The following MPHOSPH10 variants were observed in gnomAD, a reference collection of about 807,000 sequenced individuals.
The protein encoded by MPHOSPH10 is U3 small nucleolar ribonucleoprotein MPP10.
Under a neutral mutation model 77.3 loss-of-function variants are expected in MPHOSPH10, and 33 were observed. The ratio of observed to expected loss-of-function variants is 0.43; its 90% confidence interval spans 0.32 to 0.57. The LOEUF (loss-of-function observed/expected upper bound fraction) is 0.57. Among genes scored for constraint, MPHOSPH10 ranks in the 20% least tolerant of loss-of-function variants. MPHOSPH10 has a pLI of 0.07. For missense variants in MPHOSPH10, 708 were observed against 780.1 expected, an observed-to-expected ratio of 0.91 and a Z score of 1.10; for synonymous variants, 245 against 268.0, an observed-to-expected ratio of 0.91 and a Z score of 0.84.
At position 71,133,147 on chromosome 2, in the gene MPHOSPH10, G is replaced by A. The variant is rs901669005; in HGVS notation, c.339G>A (p.Gln113=). Residue 113 remains glutamine, a synonymous_variant, in exon 2 of 11, where the codon CAG becomes CAA. Coordinates refer to ENST00000244230, the MANE Select transcript of MPHOSPH10 (RefSeq NM_005791.3). ...DISLLPESEE[Q]EREEDGSEIE... is the part of the protein sequence containing the mutation. ...GTCTTCTCCCAGAGAGTGAAGAACAGGAACGTGAAGAGGATGGTTCAGAGA... is the reference window on the plus strand; with the variant it reads ...GTCTTCTCCCAGAGAGTGAAGAACAAGAACGTGAAGAGGATGGTTCAGAGA... 2.2e-5 allele frequency: 36 copies of A among 1,614,132 alleles called. No individual in the cohort carries two copies. Among genetic ancestry groups the A allele is most frequent in the Non-Finnish European group, 3.0e-5 (35 of 1,179,990 alleles).
chr2:71,130,746 C>G lies in MPHOSPH10; in HGVS notation c.81C>G (p.Cys27Trp), dbSNP rs1350286564. The change falls in exon 1 of 11, where the codon TGC (cysteine) becomes TGG (tryptophan). Residue 27 changes from cysteine to tryptophan, a missense_variant. By Grantham distance (215) the Cys-to-Trp change is radical (BLOSUM62 -2). Transcript: ENST00000244230. ...EVGKATGRPE[C>W]FLTIQEGLAS... ...GCAAAGCCACGGGTCGGCCCGAGTG[C>G]TTCCTCACGTAAGTGCGCAGATCCC... is the stretch of plus-strand genomic sequence containing the variant. 1.2e-6 allele frequency: 2 copies of G among 1,608,474 alleles called. No individual in the cohort carries two copies. Among genetic ancestry groups the G allele is most frequent in the South Asian group, 2.2e-5 (2 of 90,696 alleles).
intron 6 of MPHOSPH10, 75 bp downstream of exon 6, chr2:71,139,937 G>T: frequency 9.8e-7 from 1 of 1,023,292 alleles, no homozygotes; most frequent in Non-Finnish European, 1.5e-6. Flanking sequence ...TACTTTGAGA[G>T]TAGGACTATT....
chr2:71,139,748 G>A (rs528193044), intron 5 of MPHOSPH10, 47 bp from the exon 6 acceptor site: 1 of 1,357,446 alleles, frequency 7.4e-7, no homozygotes. Context: ...CTGAATCAAT[G>A]GTCTAGTGGA....
intron 7 of MPHOSPH10, 135 bp from the exon 8 acceptor site, chr2:71,144,293 T>C (rs759713464): frequency 3.8e-5 from 25 of 661,074 alleles, no homozygotes; most frequent in Non-Finnish European, 6.1e-5. Flanking sequence ...GCTTTTAATT[T>C]TGCTTTTGGA....
intron 7 of MPHOSPH10, among the ~76,000 whole-genome samples, chr2:71,143,143 T>A (rs567669514): frequency 2.8e-4 from 42 of 151,938 alleles, no homozygotes; most frequent in Non-Finnish European, 1.3e-4. Context: ...ACTTCTTTTT[T>A]TTCTTTTTTT....
chr2:71,133,626 C>T, intron 2 of MPHOSPH10, 50 bp downstream of exon 2: 3 of 1,484,632 alleles, frequency 2.0e-6, no homozygotes, highest in South Asian at 2.8e-5. Flanking sequence ...ATTAGCTTTT[C>T]TTCTGTTTTT....
Position 71,133,221 on chromosome 2 carries a change from T to A in MPHOSPH10, c.413T>A (p.Val138Glu). Reference sequence around the variant, plus strand: ...CTAGAAGATTTAGAGGAGGAGGAAGTGTCCGACATGGGTAATGATGATCCT... The same window carrying A: ...CTAGAAGATTTAGAGGAGGAGGAAGAGTCCGACATGGGTAATGATGATCCT... ...EDLEDLEEEE[V>E]SDMGNDDPEM... Residue 138 changes from valine to glutamate, a missense_variant, in exon 2 of 11, where the codon GTG (valine) becomes GAG (glutamate). Transcript: ENST00000244230. The A allele has an allele frequency of 6.2e-7, 1 of 1,614,072 alleles. No individual in the cohort carries two copies. Among genetic ancestry groups the A allele is most frequent in the Non-Finnish European group, 8.5e-7 (1 of 1,179,992 alleles).
At chr2:71,141,211 T>C (rs1471413668) in intron 6 of MPHOSPH10, 21 bp from the exon 7 acceptor site, 4 of 1,385,988 alleles carry the variant, frequency 2.9e-6, no homozygotes, top group Non-Finnish European at 3.8e-6. Flanking sequence ...TGTTATGTTC[T>C]ACCTGCACTT....
chr2:71,149,563 A>G, intron 10 of MPHOSPH10, 110 bp downstream of exon 10: 1 of 1,014,154 alleles, frequency 9.9e-7, no homozygotes, highest in South Asian at 1.6e-5. Context: ...CCTGCGGGAT[A>G]GAGATGCATG....
intron 7 of MPHOSPH10, among the ~76,000 whole-genome samples, chr2:71,142,064 G>T (rs1298193386): frequency 6.6e-6 from 1 of 151,886 alleles, no homozygotes; most frequent in African/African-American, 2.4e-5. Flanking sequence ...AGAAATCGCT[G>T]GTTAAATAAT....
intron 4 of MPHOSPH10, among the ~76,000 whole-genome samples, chr2:71,135,021 G>T (rs558361259): frequency 1.3e-5 from 2 of 152,256 alleles, no homozygotes; most frequent in African/African-American, 4.8e-5. Context: ...ACAAAAATTA[G>T]CTGGGCATGG....
In MPHOSPH10 at chr2:71,149,243, T is replaced by C. The variant is rs137939950; in HGVS notation, c.1686T>C (p.Asp562=). Residue 562 remains aspartate, a synonymous_variant, in exon 10 of 11, where the codon GAT becomes GAC. Coordinates refer to ENST00000244230, the MANE Select transcript of MPHOSPH10 (RefSeq NM_005791.3). ...EEIKEKNKAG[D]IKTAAEKTAT... ...AATAGGAGAAAAATAAAGCTGGAGA[T>C]ATAAAAACAGCTGCTGAAAAAACAG... 61 of 1,573,534 alleles carry C rather than the reference T, an allele frequency of 3.9e-5. No homozygotes were observed. The African/African-American group carries it at 7.0e-4, about 18-fold the overall frequency.
At chr2:71,138,662 C>G in intron 5 of MPHOSPH10, 31 bp downstream of exon 5, 1 of 1,613,726 alleles carries the variant, frequency 6.2e-7, no homozygotes, top group Non-Finnish European at 8.5e-7. Flanking sequence ...GTTTTCATGT[C>G]TGTGCTTTTT....
At chr2:71,138,441 TA>T in intron 4 of MPHOSPH10, 48 bp from the exon 5 acceptor site, 1 of 1,392,562 alleles carries the variant, frequency 7.2e-7, no homozygotes. Flanking sequence ...TACACAAATA[TA>T]AGATTTTATT....
chr2:71,132,773 A>G (rs1482272747), intron 1 of MPHOSPH10, 125 bp from the exon 2 acceptor site: 33 of 1,276,766 alleles, frequency 2.6e-5, no homozygotes, highest in Admixed American at 1.1e-4. Flanking sequence ...GTTGGGGGCC[A>G]GAATCTATAC....
Position 71,134,043 on chromosome 2 carries a change from T to A in MPHOSPH10, c.864T>A (p.Asp288Glu), listed in dbSNP as rs752866080. Residue 288 changes from aspartate to glutamate, a missense_variant, in exon 3 of 11, where the codon GAT becomes GAA. Asp to Glu is a conservative substitution (Grantham distance 45). Around this residue, in one of 3 missense-constraint regions of MPHOSPH10, gnomAD observed 433 missense variants for 432.6 expected, o/e 1.00. Transcript: ENST00000244230. The stretch of plus-strand genomic sequence containing the variant: ...CAAATGTTCATGATGATGAGCTGGA[T>A]TCAAACAAAGAAGATGATGAAATTG... ...DITNVHDDEL[D>E]SNKEDDEIAE... 4 of 1,609,524 alleles carry A rather than the reference T, an allele frequency of 2.5e-6. No individual in the cohort carries two copies. Among genetic ancestry groups the A allele is most frequent in the Non-Finnish European group, 3.4e-6 (4 of 1,177,784 alleles).
intron 4 of MPHOSPH10, among the ~76,000 whole-genome samples, chr2:71,135,944 A>G (rs1195124124): frequency 1.3e-5 from 2 of 152,118 alleles, no homozygotes; most frequent in African/African-American, 2.4e-5. Context: ...ACCTCAGGTG[A>G]TCCACCCACC....
Position 71,134,008 on chromosome 2 carries a change from G to T in MPHOSPH10, c.829G>T (p.Glu277Ter). The T allele has an allele frequency of 6.2e-7, 1 of 1,605,830 alleles. No individual in the cohort carries two copies. Among genetic ancestry groups the T allele is most frequent in the Non-Finnish European group, 8.5e-7 (1 of 1,175,618 alleles). ...KDFFDPVESD[E>*]DITNVHDDEL... ...TTTTTTTGATCCAGTTGAAAGTGATGAAGACATAACAAATGTTCATGATGA... is the reference window on the plus strand; with the variant it reads ...TTTTTTTGATCCAGTTGAAAGTGATTAAGACATAACAAATGTTCATGATGA... Residue 277 changes from glutamate (E) to a stop codon, truncating the protein, a stop_gained, in exon 3 of 11, where the codon GAA (glutamate) becomes TAA (stop). Coordinates refer to ENST00000244230, the MANE Select transcript of MPHOSPH10 (RefSeq NM_005791.3). LOFTEE classifies it high-confidence loss of function.
intron 6 of MPHOSPH10, 73 bp downstream of exon 6, chr2:71,139,935 G>A: frequency 9.6e-7 from 1 of 1,037,396 alleles, no homozygotes; most frequent in South Asian, 1.4e-5. Flanking sequence ...AGTACTTTGA[G>A]AGTAGGACTA....
Sources: gnomAD v4.1 joint callset for allele counts (sites outside exome capture counted in the v4.1 genomes callset) on GRCh38, gnomAD v4.1.1 for gene constraint, gnomAD v4.1.1 regional missense constraint, MANE v1.5 for transcripts, NCBI Gene and HGNC (gene_info 2026-07-23, HGNC 2026-07-21) for gene names.